Variants in OTUD7A observed in about 807,000 individuals in gnomAD.
OTUD7A encodes OTU domain-containing protein 7A.
In OTUD7A, 12 loss-of-function variants were observed where a neutral mutation model predicts 65.7. That is an observed-to-expected ratio of 0.18 (90% CI 0.12 to 0.30). OTUD7A has a LOEUF of 0.30. OTUD7A is among the 10% of genes least tolerant of loss of function. The pLI, the probability that OTUD7A is intolerant of heterozygous loss-of-function variation, is 1.00. For missense variants in OTUD7A, 1,148 were observed against 1,304.8 expected, an observed-to-expected ratio of 0.88 and a Z score of 1.85; for synonymous variants, 641 against 586.3, an observed-to-expected ratio of 1.09 and a Z score of -1.35.
intron 1 of OTUD7A, among the ~76,000 whole-genome samples, chr15:31,671,874 A>G (rs1892492725): frequency 6.6e-6 from 1 of 152,134 alleles, no homozygotes; most frequent in African/African-American, 2.4e-5. Flanking sequence ...CCCAGGTAAT[A>G]AGCATAGGAC....
chr15:31,538,761 C>T (rs1887888776), intron 5 of OTUD7A, among the ~76,000 whole-genome samples: 1 of 152,172 alleles, frequency 6.6e-6, no homozygotes, highest in Admixed American at 6.5e-5. Flanking sequence ...TGTCACCCCT[C>T]TGCCATATTT....
intron 1 of OTUD7A, among the ~76,000 whole-genome samples, chr15:31,809,050 C>T (rs1309943095): frequency 6.6e-6 from 1 of 152,184 alleles, no homozygotes; most frequent in African/African-American, 2.4e-5. Flanking sequence ...ATGAGACAGA[C>T]TCTGACAGGA....
chr15:31,824,599 C>G (rs1399877217), intron 1 of OTUD7A, among the ~76,000 whole-genome samples: 1 of 152,210 alleles, frequency 6.6e-6, no homozygotes, highest in Non-Finnish European at 1.5e-5. Context: ...AAAATAGCCT[C>G]TTCGACATAG....
chr15:31,684,773 T>C (rs941577265), intron 1 of OTUD7A, among the ~76,000 whole-genome samples: 1 of 148,760 alleles, frequency 6.7e-6, no homozygotes, highest in African/African-American at 2.5e-5. Context: ...GTGACATCTG[T>C]CACTTCTGCT....
rs939909177 is a variant in OTUD7A at position 31,772,124 on chromosome 15, C to T, written c.-100+98383G>A. Among the ~76,000 whole-genome samples, 6 of 75,996 alleles carry T rather than the reference C, an allele frequency of 7.9e-5. No homozygotes were observed. The East Asian group carries it at 2.0e-3, about 25-fold the overall frequency. 49.9% of individuals were successfully genotyped at this position (75,996 alleles called of 152,430 possible). ...AAAATTAGCCGGGCGTAGTGGCGGGCGCCTGTAGTCCCAGCTACTTGGGAG... is the reference window on the plus strand; with the variant it reads ...AAAATTAGCCGGGCGTAGTGGCGGGTGCCTGTAGTCCCAGCTACTTGGGAG... On this transcript the variant is annotated intron_variant, in intron 1 of 12. Coordinates refer to ENST00000307050, the MANE Select transcript of OTUD7A (RefSeq NM_001382637.1).
In OTUD7A at chr15:31,487,504, C is replaced by G; in HGVS notation, c.1234G>C (p.Gly412Arg). 6.2e-7 allele frequency: 1 copy of G among 1,614,090 alleles called. No individual in the cohort carries two copies. Among genetic ancestry groups the G allele is most frequent in the Admixed American group, 1.7e-5 (1 of 60,034 alleles). Residue 412 changes from glycine to arginine, a missense_variant, in exon 11 of 13, where the codon GGC becomes CGC. By Grantham distance (125) the Gly-to-Arg change is moderately radical. Around this residue, in one of 6 missense-constraint regions of OTUD7A, gnomAD observed 842 missense variants for 769.5 expected, o/e 1.09. Coordinates refer to ENST00000307050, the MANE Select transcript of OTUD7A (RefSeq NM_001382637.1). This position sits in a 1 kb window ranked among gnomAD's most constrained non-coding sequence, Gnocchi z 6.0. ...LLPLHFAVDP[G>R]KDWEWGKDDN... ...TCTTTCCCCCACTCCCAGTCCTTGC[C>G]AGGGTCCACTGCAAAGTGCAGAGGC...
intron 3 of OTUD7A, 96 bp from the exon 4 acceptor site, chr15:31,570,293 A>T: frequency 7.4e-7 from 1 of 1,353,416 alleles, no homozygotes; most frequent in Non-Finnish European, 1.0e-6. Context: ...TCCCATTAGG[A>T]CATAAACTAA....
At chr15:31,548,614 C>T (rs752731434) in intron 5 of OTUD7A, among the ~76,000 whole-genome samples, 2 of 152,028 alleles carry the variant, frequency 1.3e-5, no homozygotes, top group Non-Finnish European at 2.9e-5. Flanking sequence ...TTGCATGCAG[C>T]CGATGTGAGA....
At chr15:31,662,372 G>A (rs984058091) in intron 1 of OTUD7A, among the ~76,000 whole-genome samples, 15 of 152,080 alleles carry the variant, frequency 9.9e-5, no homozygotes, top group African/African-American at 3.1e-4. Context: ...TTCCTTCCAC[G>A]GGATCAATTT....
intron 1 of OTUD7A, among the ~76,000 whole-genome samples, chr15:31,721,998 A>G (rs564965009): frequency 2.4e-3 from 369 of 152,356 alleles, no homozygotes; most frequent in African/African-American, 8.4e-3. Context: ...AAATAACTGA[A>G]GGAGAAGAGG....
intron 5 of OTUD7A, among the ~76,000 whole-genome samples, chr15:31,547,882 A>G (rs1307110424): frequency 6.6e-6 from 1 of 152,234 alleles, no homozygotes; most frequent in East Asian, 1.9e-4. Context: ...AGCTGTAGAC[A>G]AATCAGCTTA....
intron 1 of OTUD7A, among the ~76,000 whole-genome samples, chr15:31,716,422 C>A (rs1893587104): frequency 9.2e-6 from 1 of 109,014 alleles, no homozygotes; most frequent in African/African-American, 2.7e-5. Context: ...AGGAGATCAT[C>A]TTGTTGAGAT....
intron 5 of OTUD7A, among the ~76,000 whole-genome samples, chr15:31,555,396 A>G (rs1888457184): frequency 6.6e-6 from 1 of 152,230 alleles, no homozygotes; most frequent in Admixed American, 6.5e-5. Flanking sequence ...ATAATATTGC[A>G]TATAAATAGT....
chr15:31,600,454 A>T (rs1890040068), intron 3 of OTUD7A, among the ~76,000 whole-genome samples: 1 of 152,208 alleles, frequency 6.6e-6, no homozygotes, highest in Non-Finnish European at 1.5e-5. Context: ...AGAGCTCCTG[A>T]AGGAAGCACT....
chr15:31,619,513 A>G (rs1414409991), intron 3 of OTUD7A, among the ~76,000 whole-genome samples: 1 of 151,656 alleles, frequency 6.6e-6, no homozygotes, highest in African/African-American at 2.4e-5. Flanking sequence ...ATTCCTAGGT[A>G]TTTTATTCTC....
intron 1 of OTUD7A, among the ~76,000 whole-genome samples, chr15:31,814,685 G>A (rs1458109795): frequency 2.0e-5 from 3 of 151,860 alleles, no homozygotes; most frequent in Non-Finnish European, 2.9e-5. Context: ...CACCACACCC[G>A]GCTAACTTTT....
chr15:31,780,018 G>T (rs1895495120), intron 1 of OTUD7A, among the ~76,000 whole-genome samples: 1 of 152,090 alleles, frequency 6.6e-6, no homozygotes, highest in Non-Finnish European at 1.5e-5. Context: ...CTCCCTCCAA[G>T]GAGGGAGCAT....
intron 3 of OTUD7A, among the ~76,000 whole-genome samples, chr15:31,609,287 C>T (rs1890328307): frequency 6.6e-6 from 1 of 152,180 alleles, no homozygotes; most frequent in Admixed American, 6.5e-5. Flanking sequence ...AACTAAAGCC[C>T]TTTTCTTTTG....
At chr15:31,767,786 T>C in intron 1 of OTUD7A, 1 of 729,414 alleles carries the variant, frequency 1.4e-6, no homozygotes, top group Non-Finnish European at 2.4e-6. Context: ...ACGAGATAAG[T>C]TTTGTAATTT....
Sources: allele counts gnomAD v4.1 joint callset (sites outside exome capture counted in the v4.1 genomes callset), GRCh38; gene constraint gnomAD v4.1.1; regional missense constraint gnomAD v4.1.1; non-coding constraint Gnocchi (gnomAD v3.1); transcripts MANE v1.5; gene names NCBI Gene and HGNC (gene_info 2026-07-23, HGNC 2026-07-21).